EPB41L5: variants seen among roughly 807,000 people sequenced by gnomAD.
The protein encoded by EPB41L5 is band 4.1-like protein 5.
EPB41L5 carries 55 observed loss-of-function variants against 106.6 expected under a neutral mutation model. The ratio of observed to expected loss-of-function variants is 0.52; its 90% CI spans 0.42 to 0.65. The LOEUF (loss-of-function observed/expected upper bound fraction) is 0.65. Ranked by LOEUF, EPB41L5 falls within the 30% of genes least tolerant of loss-of-function variation. The pLI, the probability that EPB41L5 is intolerant of heterozygous loss-of-function variation, is 0.00. For synonymous variants in EPB41L5, 297 were observed against 306.7 expected, an observed-to-expected ratio of 0.97 and a Z score of 0.33; for missense variants, 871 against 882.1, an observed-to-expected ratio of 0.99 and a Z score of 0.16.
chr2:120,099,660 C>T (rs1470727903), intron 14 of EPB41L5, among the ~76,000 whole-genome samples: 1 of 152,058 alleles, frequency 6.6e-6, no homozygotes, highest in Non-Finnish European at 1.5e-5. Flanking sequence ...ATCTCCTGGC[C>T]TCGTGATCGC....
intron 2 of EPB41L5, among the ~76,000 whole-genome samples, chr2:120,041,328 C>T (rs553658623): frequency 3.7e-4 from 57 of 152,172 alleles, no homozygotes; most frequent in Non-Finnish European, 1.0e-4. Flanking sequence ...AACCTAGGAC[C>T]TCATGAATCT....
intron 13 of EPB41L5, among the ~76,000 whole-genome samples, chr2:120,092,047 T>TATTTATTTATTTA: frequency 7.0e-6 from 1 of 142,932 alleles, no homozygotes; most frequent in African/African-American, 2.6e-5. Context: ...TTTATTTATT[T>TATTTATTTATTTA]TGAGATAGTC....
At chr2:120,141,555 A>G (rs1178411585) in intron 18 of EPB41L5, among the ~76,000 whole-genome samples, 3 of 152,128 alleles carry the variant, frequency 2.0e-5, no homozygotes, top group Admixed American at 6.6e-5. Context: ...TCAGCTGCCA[A>G]AGAGTTATGT....
chr2:120,174,468 G>GAA (rs36027189), intron 24 of EPB41L5, among the ~76,000 whole-genome samples: 83 of 147,292 alleles, frequency 5.6e-4, no homozygotes, highest in Non-Finnish European at 6.6e-4. Context: ...CCGTCTCACA[G>GAA]AAAAAAAAAA....
At chr2:120,124,457 T>A (rs1685369371) in intron 16 of EPB41L5, among the ~76,000 whole-genome samples, 1 of 152,248 alleles carries the variant, frequency 6.6e-6, no homozygotes, top group Admixed American at 6.5e-5. Context: ...TTCACCAACT[T>A]AATATGTTAT....
At chr2:120,163,822 C>T (rs1002078687) in intron 21 of EPB41L5, among the ~76,000 whole-genome samples, 3 of 151,560 alleles carry the variant, frequency 2.0e-5, no homozygotes, top group Non-Finnish European at 4.4e-5. Flanking sequence ...CATGGTGGTG[C>T]ACACCTGTAG....
chr2:120,057,850 G>T (rs1242841060), intron 3 of EPB41L5, among the ~76,000 whole-genome samples: 1 of 151,944 alleles, frequency 6.6e-6, no homozygotes. Context: ...GTAGTTTCTT[G>T]TATACAGGAC....
At chr2:120,142,857 A>G (rs1686239789) in intron 18 of EPB41L5, 146 bp from the exon 19 acceptor site, 1 of 681,568 alleles carries the variant, frequency 1.5e-6, no homozygotes, top group Non-Finnish European at 2.4e-6. Context: ...TGACTTTAAG[A>G]ATTGCTTATG....
At chr2:120,062,003 T>A (rs1374037543) in intron 3 of EPB41L5, among the ~76,000 whole-genome samples, 1 of 152,176 alleles carries the variant, frequency 6.6e-6, no homozygotes, top group African/African-American at 2.4e-5. Flanking sequence ...AATTTTGATT[T>A]TTTTGAGATC....
intron 3 of EPB41L5, among the ~76,000 whole-genome samples, chr2:120,045,791 A>C (rs749426309): frequency 2.6e-5 from 4 of 151,894 alleles, no homozygotes; most frequent in Non-Finnish European, 2.9e-5. Flanking sequence ...CATTAGGTAT[A>C]TCTCCTAATG....
At chr2:120,061,091 A>T (rs1251261367) in intron 3 of EPB41L5, among the ~76,000 whole-genome samples, 1 of 118,338 alleles carries the variant, frequency 8.5e-6, no homozygotes, top group Non-Finnish European at 1.6e-5. Flanking sequence ...CCCAGGCTGG[A>T]GTGCAGTGGT....
intron 14 of EPB41L5, among the ~76,000 whole-genome samples, chr2:120,099,343 GGT>G (rs763866571): frequency 5.5e-4 from 21 of 38,476 alleles, no homozygotes; most frequent in East Asian, 3.6e-3. Flanking sequence ...GTAGTTTCTG[GGT>G]TTTTTTTTTT....
chr2:120,067,725 T>C (rs982173514), intron 3 of EPB41L5, among the ~76,000 whole-genome samples: 8 of 152,210 alleles, frequency 5.3e-5, no homozygotes, highest in African/African-American at 1.9e-4. Flanking sequence ...TAAAGAGTAC[T>C]ACCTCTGAGG....
At chr2:120,037,011 C>T (rs1215923774) in intron 2 of EPB41L5, among the ~76,000 whole-genome samples, 66 of 151,588 alleles carry the variant, frequency 4.4e-4, no homozygotes, top group Non-Finnish European at 2.9e-5. Flanking sequence ...AAAAGAAATG[C>T]ATCCAAATGG....
intron 16 of EPB41L5, among the ~76,000 whole-genome samples, chr2:120,126,828 C>T (rs893465538): frequency 1.3e-5 from 2 of 152,056 alleles, no homozygotes; most frequent in African/African-American, 4.8e-5. Context: ...GCTGGGATTT[C>T]GATAGTGAAT....
rs1687480981 is a variant in EPB41L5 at position 120,167,762 on chromosome 2, T to G, written c.2005-115T>G. ...GAAAAACAAAACAAACAGTCATAATTATCAAAACCATCTTCGTTAATCTCA... is the reference window on the plus strand; with the variant it reads ...GAAAAACAAAACAAACAGTCATAATGATCAAAACCATCTTCGTTAATCTCA... On this transcript the variant is annotated intron_variant, in intron 23 of 24. Coordinates refer to ENST00000263713, the MANE Select transcript of EPB41L5 (RefSeq NM_020909.4). 2.3e-6 allele frequency: 3 copies of G among 1,328,048 alleles called. No homozygotes were observed. The Admixed American group carries it at 6.1e-5, about 27-fold the overall frequency. The allele number at this position is 1,328,048 out of a possible 1,614,324, so 82.3% of individuals were successfully genotyped here.
At chr2:120,083,810 A>G (rs1558859560) in intron 10 of EPB41L5, among the ~76,000 whole-genome samples, 2 of 152,180 alleles carry the variant, frequency 1.3e-5, no homozygotes, top group East Asian at 1.9e-4. Flanking sequence ...TATATTTAGG[A>G]TAGTTAGCTC....
At chr2:120,172,883 A>T (rs1283731718) in intron 24 of EPB41L5, among the ~76,000 whole-genome samples, 2 of 152,184 alleles carry the variant, frequency 1.3e-5, no homozygotes, top group African/African-American at 4.8e-5. Context: ...TCCAGTTTTT[A>T]AAAAATTATA....
intron 19 of EPB41L5, among the ~76,000 whole-genome samples, chr2:120,145,777 C>T (rs770616472): frequency 3.3e-5 from 5 of 152,056 alleles, no homozygotes; most frequent in Non-Finnish European, 5.9e-5. Context: ...GAAACCATGT[C>T]TCTACTAAAA....
Sources: allele counts gnomAD v4.1 joint callset (sites outside exome capture counted in the v4.1 genomes callset), GRCh38; gene constraint gnomAD v4.1.1; transcripts MANE v1.5; gene names NCBI Gene and HGNC (gene_info 2026-07-23, HGNC 2026-07-21).